NBAS: variants seen among roughly 807,000 people sequenced by gnomAD.
NBAS encodes the protein NAG/BC035112 fusion.
A neutral mutation model predicts 302.5 loss-of-function variants in NBAS; 219 were observed. The observed-to-expected ratio is 0.72, with a 90% CI of 0.65 to 0.81. The LOEUF (loss-of-function observed/expected upper bound fraction) is 0.81. Among genes scored for constraint, NBAS ranks in the 30% least tolerant of loss-of-function variants. The pLI is 0.00. For synonymous variants in NBAS, 1,118 were observed against 1,021.6 expected, an observed-to-expected ratio of 1.09 and a Z score of -1.80; for missense variants, 2,932 against 2,841.6, an observed-to-expected ratio of 1.03 and a Z score of -0.72.
the NBAS span, among the ~76,000 whole-genome samples, chr2:14,994,414 C>T: frequency 6.6e-6 from 1 of 152,162 alleles, no homozygotes; most frequent in Non-Finnish European, 1.5e-5. Flanking sequence ...CCCTCAAAGC[C>T]CAGCAGGTGC....
the NBAS span, among the ~76,000 whole-genome samples, chr2:15,053,619 A>T: frequency 6.6e-6 from 1 of 152,118 alleles, no homozygotes; most frequent in Admixed American, 6.5e-5. Flanking sequence ...AGAGAAAGGG[A>T]GATGAAAGAA....
intron 41 of NBAS, among the ~76,000 whole-genome samples, chr2:15,287,552 C>T (rs554228366): frequency 7.2e-5 from 11 of 152,294 alleles, no homozygotes; most frequent in African/African-American, 2.6e-4. Flanking sequence ...GCTGAGCATC[C>T]TGCATAGACA....
the NBAS span, among the ~76,000 whole-genome samples, chr2:14,926,217 A>G: frequency 7.2e-5 from 11 of 152,302 alleles, no homozygotes; most frequent in Admixed American, 2.0e-4. Context: ...CCATACTACA[A>G]TTACGGGAAC....
At chr2:15,285,613 G>A (rs545855608) in intron 42 of NBAS, among the ~76,000 whole-genome samples, 6 of 152,120 alleles carry the variant, frequency 3.9e-5, no homozygotes, top group Admixed American at 1.3e-4. Flanking sequence ...CTTTTCTCTC[G>A]GCTGTTTCAG....
the NBAS span, among the ~76,000 whole-genome samples, chr2:15,084,058 A>G: frequency 6.7e-6 from 1 of 148,948 alleles, no homozygotes; most frequent in South Asian, 2.1e-4. Flanking sequence ...TTTTCAATTT[A>G]TTTTATTTTT....
chr2:15,446,074 T>C (rs528050969), intron 21 of NBAS, among the ~76,000 whole-genome samples: 1 of 149,244 alleles, frequency 6.7e-6, no homozygotes, highest in Non-Finnish European at 1.5e-5. Flanking sequence ...ATACATATAA[T>C]AGGAGTCCCA....
the NBAS span, among the ~76,000 whole-genome samples, chr2:14,855,310 T>TGGCTTCAG: frequency 6.6e-6 from 1 of 152,112 alleles, no homozygotes; most frequent in Non-Finnish European, 1.5e-5. Context: ...TGAGACTTGC[T>TGGCTTCAG]GGCTTCAGGT....
the NBAS span, among the ~76,000 whole-genome samples, chr2:15,004,672 T>TA: frequency 6.9e-6 from 1 of 145,866 alleles, no homozygotes; most frequent in African/African-American, 2.6e-5. Context: ...AGCTGATTTT[T>TA]TTTTTTTTTT....
chr2:15,534,689 G>A (rs937720012), intron 8 of NBAS, 48 bp from the exon 9 acceptor site: 2 of 1,275,006 alleles, frequency 1.6e-6, no homozygotes, highest in African/African-American at 1.5e-5. Flanking sequence ...AAACCACAAT[G>A]AATATCACTA....
At chr2:15,391,132 T>C (rs1253115339) in intron 28 of NBAS, among the ~76,000 whole-genome samples, 1 of 151,908 alleles carries the variant, frequency 6.6e-6, no homozygotes, top group Non-Finnish European at 1.5e-5. Flanking sequence ...TTATTTTGCA[T>C]TGAAAGACAT....
chr2:15,197,514 G>A (rs545565256), intron 48 of NBAS, among the ~76,000 whole-genome samples: 1 of 152,264 alleles, frequency 6.6e-6, no homozygotes, highest in South Asian at 2.1e-4. Flanking sequence ...TTGGAGAGAT[G>A]ACCATTCAAT....
At chr2:15,089,827 C>A in the NBAS span, among the ~76,000 whole-genome samples, 1 of 142,624 alleles carries the variant, frequency 7.0e-6, no homozygotes, top group African/African-American at 2.6e-5. Flanking sequence ...CAGTTCACTG[C>A]AACCTCTGCC....
the NBAS span, among the ~76,000 whole-genome samples, chr2:15,140,924 A>T: frequency 2.0e-5 from 3 of 152,218 alleles, 1 homozygote; most frequent in African/African-American, 7.2e-5. Context: ...CCTGCAAGCC[A>T]GGCTTATCCC....
intron 21 of NBAS, among the ~76,000 whole-genome samples, chr2:15,440,223 C>G (rs942658906): frequency 6.6e-6 from 1 of 152,228 alleles, no homozygotes; most frequent in Non-Finnish European, 1.5e-5. Context: ...GTCCCTGACC[C>G]CTGACCCCCG....
chr2:14,960,365 T>G, the NBAS span, among the ~76,000 whole-genome samples: 1 of 152,240 alleles, frequency 6.6e-6, no homozygotes, highest in African/African-American at 2.4e-5. Context: ...GCCCAGTTTA[T>G]GAGACACAGT....
intron 50 of NBAS, among the ~76,000 whole-genome samples, chr2:15,185,787 A>T (rs1158000587): frequency 6.6e-6 from 1 of 152,184 alleles, no homozygotes; most frequent in Non-Finnish European, 1.5e-5. Context: ...TCAATAAAAA[A>T]AATCCAAGCC....
the NBAS span, among the ~76,000 whole-genome samples, chr2:15,147,905 C>T: frequency 6.6e-6 from 1 of 151,266 alleles, no homozygotes; most frequent in East Asian, 1.9e-4. Flanking sequence ...CAGCAGACTT[C>T]ACCCCAGGGC....
At chr2:14,821,860 A>G in the NBAS span, among the ~76,000 whole-genome samples, 12 of 150,356 alleles carry the variant, frequency 8.0e-5, no homozygotes, top group Non-Finnish European at 1.2e-4. Context: ...AAAATACAAA[A>G]CAAAAAAAAA....
At position 15,232,495 on chromosome 2, in the gene NBAS, G is replaced by A. The variant is rs371285580; in HGVS notation, c.6163C>T (p.Leu2055Phe). ...ISALSGGSADLGGPRDPLKVL... is the reference protein window; with the variant it reads ...ISALSGGSADFGGPRDPLKVL... The stretch of plus-strand genomic sequence containing the variant: ...TTCAGTGGGTCCCTTGGCCCACCAA[G>A]GTCAGCACTGCCACCACTGTGAAAA... The change falls in exon 47 of 52, where the codon CTT becomes TTT. Residue 2055 changes from leucine to phenylalanine, a missense_variant. By Grantham distance (22) the Leu-to-Phe change is conservative. Transcript: ENST00000281513. 1.2e-6 allele frequency: 2 copies of A among 1,613,642 alleles called. No homozygotes were observed. Among genetic ancestry groups the A allele is most frequent in the African/African-American group, 1.3e-5 (1 of 74,902 alleles).
Sources: gnomAD v4.1 joint callset for allele counts (sites outside exome capture counted in the v4.1 genomes callset) on GRCh38, gnomAD v4.1.1 for gene constraint, MANE v1.5 for transcripts, NCBI Gene and HGNC (gene_info 2026-07-23, HGNC 2026-07-21) for gene names.